Variants in NF1 observed in about 807,000 individuals in gnomAD.
NF1 encodes neurofibromin 1, also known as neurofibromin.
A neutral mutation model predicts 325.7 loss-of-function variants in NF1; 122 were observed. The observed-to-expected ratio is 0.37, with a 90% CI of 0.32 to 0.44. The LOEUF is 0.44. NF1 is among the 20% of genes least tolerant of loss of function. The pLI is 1.00. For missense variants in NF1, 2,140 were observed against 3,415.4 expected, an observed-to-expected ratio of 0.63 and a Z score of 9.31; for synonymous variants, 1,091 against 1,186.0, an observed-to-expected ratio of 0.92 and a Z score of 1.65.
chr17:31,141,512 AG>A (rs994492288), intron 1 of NF1, among the ~76,000 whole-genome samples: 1 of 152,190 alleles, frequency 6.6e-6, no homozygotes, highest in African/African-American at 2.4e-5. Flanking sequence ...TGTAGCCAGC[AG>A]GGATCTGTTG....
intron 36 of NF1, among the ~76,000 whole-genome samples, chr17:31,268,913 G>T (rs576943764): frequency 6.6e-6 from 1 of 151,350 alleles, no homozygotes; most frequent in Non-Finnish European, 1.5e-5. Context: ...GCTATGTTGC[G>T]CAGGCTGGGC....
rs1555536339 is a variant in NF1 at position 31,352,269 on chromosome 17, G to A, written c.7470G>A (p.Glu2490=). 6.2e-7 allele frequency: 1 copy of A among 1,613,986 alleles called. No homozygotes were observed. Among genetic ancestry groups the A allele is most frequent in the South Asian group, 1.1e-5 (1 of 91,066 alleles). The change falls in exon 51 of 58, where the codon GAG becomes GAA. Residue 2490 remains glutamate, a synonymous_variant. Coordinates refer to ENST00000358273, the MANE Select transcript of NF1 (RefSeq NM_001042492.3). ...HGDPSYRTLK[E]TQPWSSPKGS... ...TTTCATCTTTCAGGACACTAAAGGA[G>A]ACTCAGCCATGGTCCTCTCCCAAAG...
chr17:31,337,474 C>T lies in NF1; in HGVS notation c.6534C>T (p.Phe2178=), dbSNP rs2151556290. Residue 2178 remains phenylalanine, a synonymous_variant, in exon 43 of 58, where the codon TTC becomes TTT. Coordinates refer to ENST00000358273, the MANE Select transcript of NF1 (RefSeq NM_001042492.3). ...TCAAGTCAGCTGCTGTCATTGCCTT[C>T]CGTTCCAGTTACCGGGACAGGTCAT... ...SKVKSAAVIA[F]RSSYRDRSFS... is the part of the protein sequence containing the mutation. 3 of 1,614,162 alleles carry T rather than the reference C, an allele frequency of 1.9e-6. No homozygotes were observed. Among genetic ancestry groups the T allele is most frequent in the Non-Finnish European group, 2.5e-6 (3 of 1,179,998 alleles).
At chr17:31,234,903 A>G (rs1205723482) in intron 27 of NF1, among the ~76,000 whole-genome samples, 1 of 152,018 alleles carries the variant, frequency 6.6e-6, no homozygotes, top group African/African-American at 2.4e-5. Flanking sequence ...CCTATTATCT[A>G]TAAATTTCTT....
chr17:31,207,811 A>C (rs1949384476), intron 12 of NF1, among the ~76,000 whole-genome samples: 2 of 152,194 alleles, frequency 1.3e-5, no homozygotes, highest in African/African-American at 4.8e-5. Context: ...TGTTTATTCC[A>C]GAGATCTGGG....
intron 19 of NF1, 21 bp from the exon 20 acceptor site, chr17:31,227,501 GT>G: frequency 6.2e-7 from 1 of 1,613,064 alleles, no homozygotes. Context: ...TTGCTTTCAA[GT>G]GATAATTGCC....
intron 36 of NF1, among the ~76,000 whole-genome samples, chr17:31,283,927 T>C (rs1450155723): frequency 6.6e-6 from 1 of 152,078 alleles, no homozygotes; most frequent in South Asian, 2.1e-4. Flanking sequence ...GATAACTTGG[T>C]TTATATAAGT....
chr17:31,106,699 T>C (rs979358647), intron 1 of NF1, among the ~76,000 whole-genome samples: 2 of 152,202 alleles, frequency 1.3e-5, no homozygotes, highest in Admixed American at 1.3e-4. Context: ...TTTTAAGCAT[T>C]ATATATCCTT....
chr17:31,370,103 A>T (rs2070605039), intron 57 of NF1, among the ~76,000 whole-genome samples: 1 of 152,230 alleles, frequency 6.6e-6, no homozygotes, highest in African/African-American at 2.4e-5. Context: ...AATCACAGTC[A>T]CACCACATTT....
At chr17:31,286,460 C>CT (rs1051514264) in intron 36 of NF1, among the ~76,000 whole-genome samples, 15 of 152,020 alleles carry the variant, frequency 9.9e-5, no homozygotes, top group Non-Finnish European at 1.9e-4. Context: ...TGACCTGCAG[C>CT]TTTTTTTGTA....
chr17:31,365,264 T>C (rs1365966367), intron 57 of NF1, among the ~76,000 whole-genome samples: 1 of 103,800 alleles, frequency 9.6e-6, no homozygotes, highest in Non-Finnish European at 1.7e-5. Flanking sequence ...CAGTCAGGGA[T>C]TGAGAACCTA....
At chr17:31,299,341 T>A (rs1198241403) in intron 36 of NF1, among the ~76,000 whole-genome samples, 2 of 151,974 alleles carry the variant, frequency 1.3e-5, no homozygotes, top group African/African-American at 2.4e-5. Flanking sequence ...TTACTGTTAC[T>A]CAAAAAAAAT....
chr17:31,201,374 A>G (rs1488096543), intron 10 of NF1, 37 bp from the exon 11 acceptor site: 3 of 1,569,064 alleles, frequency 1.9e-6, no homozygotes, highest in Non-Finnish European at 2.6e-6. Flanking sequence ...TATTTTTCTC[A>G]TAGAAATAAT....
At chr17:31,138,256 TTTTCTTTCTTTC>T (rs1211054679) in intron 1 of NF1, 4 of 152,106 alleles carry the variant, frequency 2.6e-5, no homozygotes, top group Admixed American at 2.6e-4. Flanking sequence ...CTCTTTAATG[TTTTCTTTCTTTC>T]TTTCTTTTTT....
intron 1 of NF1, among the ~76,000 whole-genome samples, chr17:31,149,012 CTGTTT>C (rs1207676997): frequency 6.6e-6 from 1 of 151,868 alleles, no homozygotes; most frequent in Non-Finnish European, 1.5e-5. Context: ...CATTCTTCTA[CTGTTT>C]TGTTTTGTTT....
chr17:31,101,242 C>T lies in NF1; in HGVS notation c.60+5873C>T, dbSNP rs77916683. ...GTTGTAATGCCACTGTGATGTTCCA[C>T]TCCCCCCGGAAACCAATCTCTTCCA... On this transcript the variant is annotated intron_variant, in intron 1 of 57. Coordinates refer to ENST00000358273, the MANE Select transcript of NF1 (RefSeq NM_001042492.3). 7.0e-3 allele frequency among the ~76,000 whole-genome samples: 1,066 copies of T among 152,184 alleles called. 11 individuals carry two copies. The highest frequency in any genetic ancestry group is 0.024 in the Middle Eastern group (7 of 292).
At chr17:31,338,265 C>A (rs1476179744) in intron 45 of NF1, 126 bp downstream of exon 45, 2 of 732,888 alleles carry the variant, frequency 2.7e-6, no homozygotes, top group Admixed American at 2.1e-5. Flanking sequence ...ACTTATTAAG[C>A]CTTTAAAATG....
intron 1 of NF1, among the ~76,000 whole-genome samples, chr17:31,142,759 C>T (rs185311694): frequency 1.0e-3 from 157 of 151,484 alleles, no homozygotes; most frequent in South Asian, 7.1e-3. Context: ...CCCAGCTACT[C>T]GGGAGGCTGA....
Position 31,335,290 on chromosome 17 carries a change from A to ATATATATATG in NF1, c.6006+265_6006+266insTATGTATATA, listed in dbSNP as rs371429803. On this transcript the variant is annotated intron_variant, in intron 40 of 57. Transcript: ENST00000358273. The stretch of plus-strand genomic sequence containing the variant: ...AAGGCATAATTATATATATATATAT[A>ATATATATATG]TATATAATTATGCCTTGAAGGAGAC... Among the ~76,000 whole-genome samples, 170 of 71,638 alleles carry ATATATATATG rather than the reference A, an allele frequency of 2.4e-3. 37 individuals are homozygous for ATATATATATG. Among genetic ancestry groups the ATATATATATG allele is most frequent in the Non-Finnish European group, 4.4e-3 (134 of 30,772 alleles). The allele number at this position is 71,638 out of a possible 152,430, so 47.0% of individuals were successfully genotyped here.
Sources: gnomAD v4.1 joint callset for allele counts (sites outside exome capture counted in the v4.1 genomes callset) on GRCh38, gnomAD v4.1.1 for gene constraint, MANE v1.5 for transcripts, NCBI Gene and HGNC (gene_info 2026-07-23, HGNC 2026-07-21) for gene names.